The following RHOBTB1 variants were observed in gnomAD, a reference collection of about 807,000 sequenced individuals.
The protein encoded by RHOBTB1 is Rho related BTB domain containing 1.
Under a neutral mutation model 71.6 loss-of-function variants are expected in RHOBTB1, and 40 were observed. The ratio of observed to expected loss-of-function variants is 0.56; its 90% CI spans 0.43 to 0.73. The LOEUF (loss-of-function observed/expected upper bound fraction) is 0.73. Among genes scored for constraint, RHOBTB1 ranks in the 30% least tolerant of loss-of-function variants. RHOBTB1 has a pLI of 0.00. For synonymous variants in RHOBTB1, 319 were observed against 334.9 expected (o/e 0.95, Z 0.52); for missense variants, 797 against 894.0 (o/e 0.89, Z 1.38).
intron 2 of RHOBTB1, among the ~76,000 whole-genome samples, chr10:60,920,521 A>T (rs1318753830): frequency 6.6e-6 from 1 of 151,956 alleles, no homozygotes; most frequent in Non-Finnish European, 1.5e-5. Context: ...GATAGATCAT[A>T]CTCAGCCTTT....
At chr10:60,883,700 C>T (rs1351349559) in intron 7 of RHOBTB1, among the ~76,000 whole-genome samples, 1 of 152,210 alleles carries the variant, frequency 6.6e-6, no homozygotes, top group Non-Finnish European at 1.5e-5. Flanking sequence ...AGAATACCAT[C>T]ACTACCAACA....
upstream of RHOBTB1, among the ~76,000 whole-genome samples, chr10:60,945,180 C>T (rs986831980): frequency 5.3e-5 from 8 of 152,164 alleles, no homozygotes; most frequent in Admixed American, 2.0e-4. Context: ...TTTCAGTCAG[C>T]CTGCTAAAAT....
At chr10:60,992,047 A>G (rs1438496606) in intron 1 of RHOBTB1, among the ~76,000 whole-genome samples, 1 of 152,126 alleles carries the variant, frequency 6.6e-6, no homozygotes, top group African/African-American at 2.4e-5. Context: ...AGTGTGTGAA[A>G]TCAGTATGAA....
chr10:60,916,941 T>C (rs966789842), intron 2 of RHOBTB1, among the ~76,000 whole-genome samples: 6 of 152,102 alleles, frequency 3.9e-5, no homozygotes, highest in African/African-American at 1.4e-4. Context: ...CTGCTGGCTT[T>C]GAAGATGAAG....
intron 2 of RHOBTB1, among the ~76,000 whole-genome samples, chr10:60,967,643 G>A (rs2086017534): frequency 6.6e-6 from 1 of 151,982 alleles, no homozygotes; most frequent in Non-Finnish European, 1.5e-5. Context: ...TTGCAGAGAG[G>A]GAAGAGAAGA....
intron 1 of RHOBTB1, among the ~76,000 whole-genome samples, chr10:60,997,436 C>G (rs1384722310): frequency 6.6e-6 from 1 of 152,140 alleles, no homozygotes; most frequent in Non-Finnish European, 1.5e-5. Context: ...TTTTTATGCC[C>G]TCTAAACTTT....
At chr10:60,974,883 C>T (rs940100165) in intron 2 of RHOBTB1, among the ~76,000 whole-genome samples, 7 of 151,944 alleles carry the variant, frequency 4.6e-5, no homozygotes, top group African/African-American at 1.7e-4. Flanking sequence ...GAGAAGGCAT[C>T]GTGATGGCAT....
intron 2 of RHOBTB1, among the ~76,000 whole-genome samples, chr10:60,954,087 T>C (rs1213008659): frequency 6.6e-6 from 1 of 152,208 alleles, no homozygotes; most frequent in East Asian, 1.9e-4. Context: ...TGTGTAGTTT[T>C]ATTTATTTAT....
intron 2 of RHOBTB1, among the ~76,000 whole-genome samples, chr10:60,953,317 G>T (rs1241182956): frequency 1.3e-5 from 2 of 152,146 alleles, no homozygotes; most frequent in Non-Finnish European, 2.9e-5. Flanking sequence ...TCTAAAGTGA[G>T]GCTTCTTTCT....
intron 2 of RHOBTB1, among the ~76,000 whole-genome samples, chr10:60,951,424 A>C (rs776800627): frequency 1.3e-5 from 2 of 152,210 alleles, no homozygotes; most frequent in Non-Finnish European, 2.9e-5. Context: ...GAGTATCCTT[A>C]GCTCTGTAAA....
chr10:60,881,333 T>G (rs1023692689), intron 7 of RHOBTB1, among the ~76,000 whole-genome samples: 1 of 152,196 alleles, frequency 6.6e-6, no homozygotes, highest in African/African-American at 2.4e-5. Context: ...TTTAAATAAT[T>G]GAAGGTTAAG....
chr10:60,865,676 G>C (rs1006609408), downstream of RHOBTB1, among the ~76,000 whole-genome samples: 10 of 152,208 alleles, frequency 6.6e-5, no homozygotes, highest in Admixed American at 6.5e-4. Flanking sequence ...AGAGGAACCA[G>C]TCTCCAGGCT....
intron 7 of RHOBTB1, among the ~76,000 whole-genome samples, 172 bp from the exon 8 acceptor site, chr10:60,878,230 G>C (rs1014001460): frequency 6.6e-6 from 1 of 152,184 alleles, no homozygotes; most frequent in Admixed American, 6.5e-5. Flanking sequence ...AAACATAATG[G>C]TTTGATTTGT....
intron 7 of RHOBTB1, 28 bp from the exon 8 acceptor site, chr10:60,878,086 C>A (rs958961390): frequency 1.3e-6 from 2 of 1,598,048 alleles, no homozygotes; most frequent in Non-Finnish European, 8.5e-7. Flanking sequence ...AAGCTAAATT[C>A]TGCTGCAGAA....
chr10:60,943,642 C>T (rs548550908), intron 1 of RHOBTB1, among the ~76,000 whole-genome samples: 1 of 152,322 alleles, frequency 6.6e-6, no homozygotes, highest in East Asian at 1.9e-4. Flanking sequence ...GCCTTCTCGT[C>T]GGCGCGGCAC....
intron 2 of RHOBTB1, among the ~76,000 whole-genome samples, chr10:60,963,094 A>C (rs2085841322): frequency 6.6e-6 from 1 of 152,142 alleles, no homozygotes; most frequent in African/African-American, 2.4e-5. Context: ...CAACCAAAGC[A>C]ATCTTCATAA....
At chr10:60,951,322 C>G (rs2085400534) in intron 2 of RHOBTB1, among the ~76,000 whole-genome samples, 1 of 139,004 alleles carries the variant, frequency 7.2e-6, no homozygotes, top group Non-Finnish European at 1.6e-5. Context: ...GGCACCACCA[C>G]TCCTTTCATA....
chr10:60,988,743 G>C (rs1448767440), intron 1 of RHOBTB1, among the ~76,000 whole-genome samples: 1 of 152,102 alleles, frequency 6.6e-6, no homozygotes, highest in Non-Finnish European at 1.5e-5. Context: ...CTTTGCTATT[G>C]TGAATAGTGA....
chr10:60,937,087 A>G (rs1158418566), intron 2 of RHOBTB1, among the ~76,000 whole-genome samples: 1 of 152,226 alleles, frequency 6.6e-6, no homozygotes, highest in East Asian at 1.9e-4. Flanking sequence ...AGTATTTAAA[A>G]AAAATATCAA....
Sources: gnomAD v4.1 joint callset for allele counts (sites outside exome capture counted in the v4.1 genomes callset) on GRCh38, gnomAD v4.1.1 for gene constraint, MANE v1.5 for transcripts, NCBI Gene and HGNC (gene_info 2026-07-23, HGNC 2026-07-21) for gene names.